The following RAB31 variants were observed in gnomAD, a reference collection of about 807,000 sequenced individuals.
RAB31 encodes the protein RAB31, member RAS oncogene family.
Under a neutral mutation model 25.6 loss-of-function variants are expected in RAB31, and 21 were observed. The observed-to-expected ratio is 0.82, with a 90% CI of 0.58 to 1.18. RAB31 has a LOEUF of 1.18. Among genes scored for constraint, RAB31 ranks in the 50% most tolerant of loss-of-function variants. The pLI is 0.00. For missense variants in RAB31, 196 were observed against 250.1 expected (o/e 0.78, Z 1.46); for synonymous variants, 87 against 84.0 (o/e 1.04, Z -0.20).
At chr18:9,811,883 A>G (rs564818918) in intron 3 of RAB31, among the ~76,000 whole-genome samples, 6 of 152,354 alleles carry the variant, frequency 3.9e-5, no homozygotes, top group African/African-American at 1.4e-4. Context: ...ATGGCTATAG[A>G]ATATCATTAC....
At chr18:9,828,864 G>A (rs2068663162) in intron 5 of RAB31, among the ~76,000 whole-genome samples, 1 of 152,202 alleles carries the variant, frequency 6.6e-6, no homozygotes, top group South Asian at 2.1e-4. Context: ...AATGCACGAT[G>A]CGTTTTCCTT....
chr18:9,775,448 C>A, intron 2 of RAB31, 91 bp downstream of exon 2: 1 of 1,563,462 alleles, frequency 6.4e-7, no homozygotes. Flanking sequence ...TCAGGCAGGG[C>A]CACAGTTTTC....
intron 3 of RAB31, among the ~76,000 whole-genome samples, chr18:9,813,122 T>A (rs556935883): frequency 3.9e-5 from 6 of 152,360 alleles, no homozygotes; most frequent in Admixed American, 3.9e-4. Flanking sequence ...ACGATGCTAG[T>A]GACCAGCAGC....
Position 9,860,667 on chromosome 18 carries a change from G to A in RAB31, c.*1342G>A, listed in dbSNP as rs2068842595. On this transcript the variant is annotated 3_prime_UTR_variant, in exon 7 of 7. Transcript: ENST00000578921. ...TTATATTAGGGGGTGATTCTTAAAG[G>A]ACATTAGGATTGGTGCTCAGAAATG... 6.6e-6 allele frequency: 1 copy of A among 152,218 alleles called. No individual in the cohort carries two copies. Among genetic ancestry groups the A allele is most frequent in the Admixed American group, 6.5e-5 (1 of 15,282 alleles). The allele number at this position is 152,218 out of a possible 1,614,324, so 9.4% of individuals were successfully genotyped here.
intron 5 of RAB31, among the ~76,000 whole-genome samples, chr18:9,838,133 G>A (rs1031188851): frequency 1.3e-5 from 2 of 152,132 alleles, no homozygotes; most frequent in Non-Finnish European, 2.9e-5. Flanking sequence ...TTTCCCTTAC[G>A]TAAACACTGA....
chr18:9,825,886 C>T (rs1364928779), intron 5 of RAB31, among the ~76,000 whole-genome samples: 1 of 152,144 alleles, frequency 6.6e-6, no homozygotes, highest in Non-Finnish European at 1.5e-5. Context: ...GGGAAGTAAG[C>T]ATTGGGCACT....
Position 9,859,523 on chromosome 18 carries a change from C to T in RAB31, c.*198C>T. The T allele has an allele frequency of 2.1e-6, 1 of 468,440 alleles. No homozygotes were observed. The highest frequency in any genetic ancestry group is 3.8e-6 in the Non-Finnish European group (1 of 265,596). The allele number at this position is 468,440 out of a possible 1,614,324, so 29.0% of individuals were successfully genotyped here. On this transcript the variant is annotated 3_prime_UTR_variant, in exon 7 of 7. Transcript: ENST00000578921. ...TTTAGAAAACCCTGGGAAAACCCAC[C>T]ACACCACCACAAAATGGCCTTTAGT...
intron 1 of RAB31, among the ~76,000 whole-genome samples, chr18:9,773,641 A>G (rs1420687842): frequency 6.6e-6 from 1 of 152,018 alleles, no homozygotes; most frequent in Non-Finnish European, 1.5e-5. Context: ...ATGAAATTTT[A>G]ATTTCTGCCA....
chr18:9,845,817 C>T (rs930578792), intron 6 of RAB31, 126 bp downstream of exon 6: 2 of 1,357,600 alleles, frequency 1.5e-6, no homozygotes, highest in African/African-American at 3.0e-5. Flanking sequence ...GCCATGGATA[C>T]AAAATCTACA....
chr18:9,857,675 AGATAGATAGAT>A (rs1464802778), intron 6 of RAB31, among the ~76,000 whole-genome samples: 3 of 124,128 alleles, frequency 2.4e-5, no homozygotes, highest in Non-Finnish European at 5.7e-5. Flanking sequence ...ATAGATAGAT[AGATAGATAGAT>A]GATAGATAGA....
chr18:9,717,905 T>A lies in RAB31; in HGVS notation c.39+9461T>A, dbSNP rs553079023. On this transcript the variant is annotated intron_variant, in intron 1 of 6. Coordinates refer to ENST00000578921, the MANE Select transcript of RAB31 (RefSeq NM_006868.4). ...TTTTATTTATTTACTTTTTATTTAT[T>A]TTATTTACTTTTTTTGAGACCGGGT... Among the ~76,000 whole-genome samples, 17 of 152,322 alleles carry A rather than the reference T, an allele frequency of 1.1e-4. No individual in the cohort carries two copies. In the South Asian group the frequency reaches 3.5e-3, roughly 32 times the overall value.
intron 1 of RAB31, among the ~76,000 whole-genome samples, chr18:9,724,292 A>AAC (rs1568162620): frequency 1.2e-4 from 17 of 143,544 alleles, no homozygotes; most frequent in African/African-American, 4.1e-4. Flanking sequence ...AAAAAACAAA[A>AAC]AAAAAACATT....
rs560390467 is a variant in RAB31 at position 9,809,039 on chromosome 18, G to GGT, written c.202-4965_202-4964dup. 4.9e-3 allele frequency among the ~76,000 whole-genome samples: 542 copies of GGT among 111,188 alleles called. 4 individuals are homozygous for GGT. The highest frequency in any genetic ancestry group is 0.011 in the Middle Eastern group (2 of 182). The allele number at this position is 111,188 out of a possible 152,430, so 72.9% of individuals were successfully genotyped here. A position where few individuals can be genotyped will look rare whatever the true frequency, so the allele number is the denominator to read the frequency against. On this transcript the variant is annotated intron_variant, in intron 3 of 6. Coordinates refer to ENST00000578921, the MANE Select transcript of RAB31 (RefSeq NM_006868.4). ...AAGACTTTCCACTGTGCTGCTGAGG[G>GGT]GTGTGTGTGTGTGTGTGCGCGCGCA...
intron 1 of RAB31, among the ~76,000 whole-genome samples, chr18:9,746,771 C>A (rs1462310408): frequency 6.6e-6 from 1 of 152,258 alleles, no homozygotes; most frequent in East Asian, 1.9e-4. Flanking sequence ...AAAATCAATT[C>A]AAAATGCTCA....
In RAB31 at chr18:9,766,015, T is replaced by C. The variant is rs2068314151; in HGVS notation, c.40-9263T>C. On this transcript the variant is annotated intron_variant, in intron 1 of 6. Coordinates refer to ENST00000578921, the MANE Select transcript of RAB31 (RefSeq NM_006868.4). The surrounding 1 kb of genome is among the most constrained non-coding windows in gnomAD (Gnocchi z 4.3). ...CCCCTTAGGCAAAGCTTCAAAAAAG[T>C]GCTTTGTGGGTTAATATGGAATTTG... Among the ~76,000 whole-genome samples, 1 of 151,862 alleles carries C rather than the reference T, an allele frequency of 6.6e-6. No homozygotes were observed. Among genetic ancestry groups the C allele is most frequent in the Non-Finnish European group, 1.5e-5 (1 of 67,974 alleles).
chr18:9,807,631 A>G (rs1360496932), intron 3 of RAB31, among the ~76,000 whole-genome samples: 1 of 152,152 alleles, frequency 6.6e-6, no homozygotes, highest in Non-Finnish European at 1.5e-5. Context: ...TTTTTTATAC[A>G]TTATTCTAGG....
At chr18:9,790,022 ATGAATGC>A (rs1221196369) in intron 2 of RAB31, among the ~76,000 whole-genome samples, 1 of 152,140 alleles carries the variant, frequency 6.6e-6, no homozygotes, top group African/African-American at 2.4e-5. Context: ...TATTACTATG[ATGAATGC>A]TAGTTGACCA....
chr18:9,792,228 AGG>A lies in RAB31; in HGVS notation c.195_196del (p.Glu66ThrfsTer21). On this transcript the variant is annotated frameshift_variant, in exon 3 of 7. Transcript: ENST00000578921. LOFTEE classifies it high-confidence loss of function. The stretch of plus-strand genomic sequence containing the variant: ...TTCCTCATCTGGGACACTGCTGGTC[AGG>A]AACGGGTGAGTATATGCTGTTTTTT... The A allele has an allele frequency of 6.2e-7, 1 of 1,611,654 alleles. No homozygotes were observed. The highest frequency in any genetic ancestry group is 1.7e-5 in the Admixed American group (1 of 59,774).
intron 2 of RAB31, among the ~76,000 whole-genome samples, chr18:9,777,530 T>C (rs1345856403): frequency 6.6e-6 from 1 of 152,170 alleles, no homozygotes; most frequent in Non-Finnish European, 1.5e-5. Context: ...GTATACTTTT[T>C]ATGGAAGAAA....
Sources: allele counts gnomAD v4.1 joint callset (sites outside exome capture counted in the v4.1 genomes callset), GRCh38; gene constraint gnomAD v4.1.1; non-coding constraint Gnocchi (gnomAD v3.1); transcripts MANE v1.5; gene names NCBI Gene and HGNC (gene_info 2026-07-23, HGNC 2026-07-21).